The following NFKBIB variants were observed in gnomAD, a reference collection of about 807,000 sequenced individuals.
The protein encoded by NFKBIB is NF-kappa-B inhibitor beta.
In NFKBIB, 16 loss-of-function variants were observed where a neutral mutation model predicts 32.1. The observed-to-expected ratio is 0.50, with a 90% confidence interval of 0.34 to 0.76. The LOEUF is 0.76. NFKBIB is among the 30% of genes least tolerant of loss of function. The pLI is 0.01. For synonymous variants in NFKBIB, 222 were observed against 219.5 expected (o/e 1.01, Z -0.10); for missense variants, 437 against 514.9 (o/e 0.85, Z 1.46).
chr19:38,905,490 A>G lies in NFKBIB; in HGVS notation c.574A>G (p.Ser192Gly), dbSNP rs763014413. 16 of 1,613,258 alleles carry G rather than the reference A, an allele frequency of 9.9e-6. No homozygotes were observed. The Admixed American group carries it at 2.7e-4, about 27-fold the overall frequency. The stretch of plus-strand genomic sequence containing the variant: ...CGACTTGGAGAAGGAAGAAGAGGAG[A>G]GTGAGGAGGACTGGAAGCTGCAGCT... The part of the protein sequence containing the change: ...DSDLEKEEEE[S>G]EEDWKLQLEA... Residue 192 changes from serine to glycine, a missense_variant, in exon 3 of 6, where the codon AGT becomes GGT. By Grantham distance (56) the Ser-to-Gly change is moderately conservative. Coordinates refer to ENST00000313582, the MANE Select transcript of NFKBIB (RefSeq NM_002503.5). This position sits in a 1 kb window ranked among gnomAD's most constrained non-coding sequence, Gnocchi z 5.5.
intron 1 of NFKBIB, among the ~76,000 whole-genome samples, chr19:38,902,237 C>T (rs186425152): frequency 2.6e-5 from 4 of 152,016 alleles, no homozygotes; most frequent in African/African-American, 9.7e-5. Flanking sequence ...CCTGCCACTT[C>T]GCCTGGCTAA....
At chr19:38,901,888 C>T (rs774574449) in intron 1 of NFKBIB, among the ~76,000 whole-genome samples, 2 of 151,740 alleles carry the variant, frequency 1.3e-5, no homozygotes, top group Non-Finnish European at 2.9e-5. Context: ...ACAGTCTCTG[C>T]CTTTTAATTA....
Position 38,907,498 on chromosome 19 carries a change from C to T in NFKBIB, c.808C>T (p.Arg270Cys), listed in dbSNP as rs371119134. Residue 270 changes from arginine (R) to cysteine (C), a missense_variant, in exon 5 of 6, where the codon CGC (arginine) becomes TGC (cysteine). By Grantham distance (180) the Arg-to-Cys change is radical (BLOSUM62 -3). Transcript: ENST00000313582. ...LLRAGANPAA[R>C]MYGGRTPLGS... ...GAGGGCAGGCGCGAACCCTGCTGCC[C>T]GCATGTACGGTGGCCGCACCCCACT... 6.0e-5 allele frequency: 97 copies of T among 1,612,532 alleles called. No individual in the cohort carries two copies. Among genetic ancestry groups the T allele is most frequent in the South Asian group, 2.1e-4 (19 of 91,060 alleles).
chr19:38,906,499 TCA>T (rs932454794), intron 3 of NFKBIB, among the ~76,000 whole-genome samples: 5 of 123,402 alleles, frequency 4.1e-5, no homozygotes, highest in African/African-American at 1.6e-4. Flanking sequence ...ACATGGAGTC[TCA>T]CTCTGTTGCC....
At chr19:38,902,076 A>ATTTTTTTTTTTTTTTT in intron 1 of NFKBIB, among the ~76,000 whole-genome samples, 1 of 64,020 alleles carries the variant, frequency 1.6e-5, no homozygotes, top group Non-Finnish European at 3.2e-5. Context: ...AGTGTTTTTC[A>ATTTTTTTTTTTTTTTT]TTTTATTTCT....
rs960063918 is a variant in NFKBIB at position 38,905,175 on chromosome 19, C to T, written c.286-27C>T. 1.2e-6 allele frequency: 2 copies of T among 1,608,380 alleles called. No homozygotes were observed. The highest frequency in any genetic ancestry group is 2.2e-5 in the East Asian group (1 of 44,850). ...GGGTCCAGGGTTCCCAGTGTGACTCCCTACCGCCTGTCCTCTGCTTCTGCA... is the reference window on the plus strand; with the variant it reads ...GGGTCCAGGGTTCCCAGTGTGACTCTCTACCGCCTGTCCTCTGCTTCTGCA... On this transcript the variant is annotated intron_variant, in intron 2 of 5. Transcript: ENST00000313582. The surrounding 1 kb of genome is among the most constrained non-coding windows in gnomAD (Gnocchi z 5.5).
chr19:38,906,468 T>TG (rs1974123697), intron 3 of NFKBIB, among the ~76,000 whole-genome samples: 1 of 21,728 alleles, frequency 4.6e-5, no homozygotes, highest in Non-Finnish European at 9.7e-5. Context: ...AATTTAAGGT[T>TG]TTTTTTTTTT....
At position 38,907,799 on chromosome 19, in the gene NFKBIB, C is replaced by T; in HGVS notation, c.969+140C>T. On this transcript the variant is annotated intron_variant, in intron 5 of 5. Transcript: ENST00000313582. ...GCAGCAGCGCCAGTGACACGGGGCA[C>T]TAGTCAGGAGAGACCTGGACAGGGG... 2.8e-6 allele frequency: 4 copies of T among 1,449,486 alleles called. No homozygotes were observed. The African/African-American group carries it at 5.7e-5, about 21-fold the overall frequency. The allele number at this position is 1,449,486 out of a possible 1,614,324, so 89.8% of individuals were successfully genotyped here. A position where few individuals can be genotyped will look rare whatever the true frequency, so the allele number is the denominator to read the frequency against.
chr19:38,903,749 G>A (rs1974034249), intron 1 of NFKBIB, among the ~76,000 whole-genome samples: 1 of 151,902 alleles, frequency 6.6e-6, no homozygotes, highest in Non-Finnish European at 1.5e-5. Context: ...ATTTTGCCTT[G>A]TTAGTCTGGA....
intron 5 of NFKBIB, chr19:38,908,526 G>A (rs1338094321): frequency 3.3e-5 from 43 of 1,292,112 alleles, no homozygotes; most frequent in Admixed American, 4.0e-5. Flanking sequence ...GCAACAGAGC[G>A]AGACTCCATC....
At position 38,904,457 on chromosome 19, in the gene NFKBIB, A is replaced by T. The variant is rs17881574; in HGVS notation, c.180-558A>T. 9.2e-3 allele frequency among the ~76,000 whole-genome samples: 1,253 copies of T among 136,012 alleles called. 20 individuals are homozygous for T. The highest frequency in any genetic ancestry group is 0.032 in the African/African-American group (1,194 of 37,874). 89.2% of individuals were successfully genotyped at this position (136,012 alleles called of 152,430 possible). A position where few individuals can be genotyped will look rare whatever the true frequency, so the allele number is the denominator to read the frequency against. Reference sequence around the variant, plus strand: ...ACAAGAGAACCTCCTGCAGTTCCCCAGCAATCTCTCCTTTGGCAACTCTGT... The same window carrying T: ...ACAAGAGAACCTCCTGCAGTTCCCCTGCAATCTCTCCTTTGGCAACTCTGT... On this transcript the variant is annotated intron_variant, in intron 1 of 5. Coordinates refer to ENST00000313582, the MANE Select transcript of NFKBIB (RefSeq NM_002503.5).
At position 38,900,344 on chromosome 19, in the gene NFKBIB, A is replaced by AC. The variant is rs1973907971; in HGVS notation, c.179+138dup. ...CCGATGCTGAACTTCCTGACCTCTA[A>AC]CCCCCGAGTCCTAACTTTTAACAAA... On this transcript the variant is annotated intron_variant, in intron 1 of 5. Coordinates refer to ENST00000313582, the MANE Select transcript of NFKBIB (RefSeq NM_002503.5). 6.2e-6 allele frequency: 6 copies of AC among 970,660 alleles called. No individual in the cohort carries two copies. In the South Asian group the frequency reaches 9.1e-5, roughly 15 times the overall value. The allele number at this position is 970,660 out of a possible 1,614,324, so 60.1% of individuals were successfully genotyped here.
rs74176475 is a variant in NFKBIB at position 38,902,085 on chromosome 19, C to CT, written c.179+1887dup. Among the ~76,000 whole-genome samples, 489 of 92,378 alleles carry CT rather than the reference C, an allele frequency of 5.3e-3. 67 individuals carry two copies. The highest frequency in any genetic ancestry group is 0.016 in the African/African-American group (397 of 25,508). 60.6% of individuals were successfully genotyped at this position (92,378 alleles called of 152,430 possible). A position where few individuals can be genotyped will look rare whatever the true frequency, so the allele number is the denominator to read the frequency against. The stretch of plus-strand genomic sequence containing the variant: ...CTGTATAGTGTTTTTCATTTTATTT[C>CT]TTTTTTTTTTTTTGAGATGGAGTCT... On this transcript the variant is annotated intron_variant, in intron 1 of 5. Coordinates refer to ENST00000313582, the MANE Select transcript of NFKBIB (RefSeq NM_002503.5).
At chr19:38,902,359 C>T (rs948050582) in intron 1 of NFKBIB, among the ~76,000 whole-genome samples, 1 of 151,876 alleles carries the variant, frequency 6.6e-6, no homozygotes, top group East Asian at 1.9e-4. Flanking sequence ...CGTGAGCCAC[C>T]GCGCCCGGCC....
rs752015628 is a variant in NFKBIB, at chr19:38,905,272, G to A, written c.356G>A (p.Gly119Glu). 1 of 1,598,650 alleles carries A rather than the reference G, an allele frequency of 6.3e-7. No individual in the cohort carries two copies. The highest frequency in any genetic ancestry group is 8.5e-7 in the Non-Finnish European group (1 of 1,173,620). The part of the protein sequence containing the change: ...TVEKLYAAGA[G>E]LCVAERRGHT... ...GAGAAGCTGTACGCAGCAGGCGCCG[G>A]GCTGTGTGTGGCGGAGCGTAGGGGC... Residue 119 changes from glycine to glutamate, a missense_variant, in exon 3 of 6, where the codon GGG (glycine) becomes GAG (glutamate). Coordinates refer to ENST00000313582, the MANE Select transcript of NFKBIB (RefSeq NM_002503.5). The surrounding 1 kb of genome is among the most constrained non-coding windows in gnomAD (Gnocchi z 5.5).
Position 38,905,531 on chromosome 19 carries a change from C to T in NFKBIB, c.615C>T (p.Tyr205=), listed in dbSNP as rs150533078. 5.6e-6 allele frequency: 9 copies of T among 1,603,932 alleles called. No homozygotes were observed. The highest frequency in any genetic ancestry group is 3.4e-5 in the South Asian group (3 of 89,358). The change falls in exon 3 of 6, where the codon TAC becomes TAT. Residue 205 remains tyrosine (Y), a synonymous_variant. Transcript: ENST00000313582. The surrounding 1 kb of genome is among the most constrained non-coding windows in gnomAD (Gnocchi z 5.5). ...DWKLQLEAEN[Y]EGHTPLHVAV... ...AGCTGCAGCTGGAGGCTGAAAACTA[C>T]GAGGGTGAGGGTCGTCACCAGGGAA...
chr19:38,900,733 T>A (rs1237177416), intron 1 of NFKBIB, among the ~76,000 whole-genome samples: 1 of 152,178 alleles, frequency 6.6e-6, no homozygotes, highest in Non-Finnish European at 1.5e-5. Flanking sequence ...AAAAAAAGAA[T>A]GTTAGCTCCA....
At chr19:38,900,349 C>G in intron 1 of NFKBIB, 138 bp downstream of exon 1, 1 of 917,784 alleles carries the variant, frequency 1.1e-6, no homozygotes. Flanking sequence ...CTCTAACCCC[C>G]GAGTCCTAAC....
At chr19:38,907,685 G>A (rs1321762355) in intron 5 of NFKBIB, 26 bp downstream of exon 5, 1 of 1,575,544 alleles carries the variant, frequency 6.3e-7, no homozygotes, top group Admixed American at 1.8e-5. Context: ...AGACAGGGCA[G>A]CCCAGCTGGG....
Sources: allele counts gnomAD v4.1 joint callset (sites outside exome capture counted in the v4.1 genomes callset), GRCh38; gene constraint gnomAD v4.1.1; non-coding constraint Gnocchi (gnomAD v3.1); transcripts MANE v1.5; gene names NCBI Gene and HGNC (gene_info 2026-07-23, HGNC 2026-07-21).